LRFN5: variants seen among roughly 807,000 people sequenced by gnomAD.
The protein encoded by LRFN5 is leucine rich repeat and fibronectin type III domain containing 5, also known as leucine-rich repeat and fibronectin type-III domain-containing protein 5.
A neutral mutation model predicts 45.6 loss-of-function variants in LRFN5; 24 were observed. The observed-to-expected ratio is 0.53, with a 90% confidence interval of 0.38 to 0.74. The LOEUF (loss-of-function observed/expected upper bound fraction) is 0.74. LRFN5 is among the 30% of genes least tolerant of loss of function. The pLI, the probability that LRFN5 is intolerant of heterozygous loss-of-function variation, is 0.00. For missense variants in LRFN5, 776 were observed against 861.5 expected, an observed-to-expected ratio of 0.90 and a Z score of 1.24; for synonymous variants, 340 against 313.8, an observed-to-expected ratio of 1.08 and a Z score of -0.88.
At chr14:41,734,331 TATATATATATATA>T (rs1594656920) in intron 1 of LRFN5, among the ~76,000 whole-genome samples, 2 of 104,000 alleles carry the variant, frequency 1.9e-5, no homozygotes, top group South Asian at 3.7e-4. Flanking sequence ...TATATATATA[TATATATATATATA>T]TTTAAATTTG....
intron 2 of LRFN5, among the ~76,000 whole-genome samples, chr14:41,846,917 A>G (rs895366875): frequency 2.0e-5 from 3 of 152,052 alleles, no homozygotes; most frequent in Admixed American, 2.0e-4. Flanking sequence ...TCAAAGCGAC[A>G]AAGTTGGGCC....
At chr14:41,678,242 G>A (rs1274001330) in intron 1 of LRFN5, among the ~76,000 whole-genome samples, 1 of 151,174 alleles carries the variant, frequency 6.6e-6, no homozygotes, top group Non-Finnish European at 1.5e-5. Context: ...GAAGATACAT[G>A]CATACATACA....
intron 2 of LRFN5, among the ~76,000 whole-genome samples, chr14:41,839,036 C>A (rs547727947): frequency 9.9e-5 from 15 of 152,180 alleles, no homozygotes; most frequent in African/African-American, 2.9e-4. Context: ...CTTCAGGTTA[C>A]AATATTAAAT....
chr14:41,740,848 A>G (rs1884659282), intron 1 of LRFN5, among the ~76,000 whole-genome samples: 1 of 152,070 alleles, frequency 6.6e-6, no homozygotes, highest in South Asian at 2.1e-4. Flanking sequence ...TCAAAGACCT[A>G]TTAGAACTGA....
chr14:41,679,073 A>T (rs1394295124), intron 1 of LRFN5, among the ~76,000 whole-genome samples: 1 of 151,998 alleles, frequency 6.6e-6, no homozygotes, highest in African/African-American at 2.4e-5. Flanking sequence ...CTCTAGCCAG[A>T]GGGGAATCAT....
intron 4 of LRFN5, among the ~76,000 whole-genome samples, chr14:41,897,185 TGTG>T (rs1890969353): frequency 6.6e-6 from 1 of 151,626 alleles, no homozygotes; most frequent in Non-Finnish European, 1.5e-5. Context: ...ATCCTAAAAA[TGTG>T]GTGTTATCTT....
intron 1 of LRFN5, among the ~76,000 whole-genome samples, chr14:41,689,621 G>A (rs1487895532): frequency 6.6e-6 from 1 of 152,016 alleles, no homozygotes; most frequent in African/African-American, 2.4e-5. Flanking sequence ...CTGGCCGGGC[G>A]CGGTGGCTCA....
At chr14:41,769,291 T>C (rs1357442229) in intron 2 of LRFN5, among the ~76,000 whole-genome samples, 1 of 152,034 alleles carries the variant, frequency 6.6e-6, no homozygotes, top group Non-Finnish European at 1.5e-5. Context: ...ACAGCTGAGG[T>C]GGTAATGGTT....
chr14:41,777,069 A>G (rs940129282), intron 2 of LRFN5, among the ~76,000 whole-genome samples: 2 of 151,950 alleles, frequency 1.3e-5, no homozygotes, highest in Non-Finnish European at 2.9e-5. Flanking sequence ...TCATCTCTGC[A>G]CAAATACTAT....
chr14:41,757,474 G>A (rs1486655546), intron 1 of LRFN5, among the ~76,000 whole-genome samples: 1 of 152,186 alleles, frequency 6.6e-6, no homozygotes, highest in African/African-American at 2.4e-5. Context: ...CCCTCCCCCA[G>A]CCTCGCTGCC....
At chr14:41,693,246 T>C (rs1049667911) in intron 1 of LRFN5, among the ~76,000 whole-genome samples, 4 of 152,128 alleles carry the variant, frequency 2.6e-5, no homozygotes, top group Admixed American at 1.3e-4. Context: ...ATATAACTTA[T>C]GAAAAATCAG....
At chr14:41,774,763 C>G (rs1470331976) in intron 2 of LRFN5, among the ~76,000 whole-genome samples, 1 of 152,060 alleles carries the variant, frequency 6.6e-6, no homozygotes, top group Non-Finnish European at 1.5e-5. Context: ...ATTTAAGAAT[C>G]CCAGTGAGGT....
rs1890839935 is a variant in LRFN5, at chr14:41,893,214, A to G, written c.2098+1252A>G. The G allele has an allele frequency of 1.6e-5, 16 of 971,994 alleles. No homozygotes were observed. The South Asian group carries it at 5.7e-4, about 35-fold the overall frequency. The allele number at this position is 971,994 out of a possible 1,614,324, so 60.2% of individuals were successfully genotyped here. Reference sequence around the variant, plus strand: ...AGAATACATAATTTTTTAAAACAGGATTTTAAATTTAGTAGAAACTAATGT... The same window carrying G: ...AGAATACATAATTTTTTAAAACAGGGTTTTAAATTTAGTAGAAACTAATGT... On this transcript the variant is annotated intron_variant, in intron 4 of 5. Coordinates refer to ENST00000298119, the MANE Select transcript of LRFN5 (RefSeq NM_152447.5).
chr14:41,878,002 A>G (rs2139131818), intron 2 of LRFN5, among the ~76,000 whole-genome samples: 1 of 152,034 alleles, frequency 6.6e-6, no homozygotes. Flanking sequence ...GGTTATATAT[A>G]TATCATATTT....
At chr14:41,754,873 A>G (rs1477982003) in intron 1 of LRFN5, among the ~76,000 whole-genome samples, 6 of 151,554 alleles carry the variant, frequency 4.0e-5, no homozygotes, top group Non-Finnish European at 8.8e-5. Context: ...TCGATTTTAG[A>G]TCTTTCCTGC....
intron 1 of LRFN5, among the ~76,000 whole-genome samples, chr14:41,683,920 T>C (rs944278033): frequency 6.6e-6 from 1 of 152,164 alleles, no homozygotes; most frequent in Non-Finnish European, 1.5e-5. Flanking sequence ...ATACCAATGT[T>C]ATTCTTCACA....
intron 1 of LRFN5, among the ~76,000 whole-genome samples, chr14:41,661,379 G>A (rs1289698955): frequency 6.6e-6 from 1 of 151,888 alleles, no homozygotes; most frequent in East Asian, 1.9e-4. Flanking sequence ...TCAAAATACT[G>A]CTGTAGTAAA....
At chr14:41,716,220 T>G (rs1883489581) in intron 1 of LRFN5, among the ~76,000 whole-genome samples, 1 of 152,222 alleles carries the variant, frequency 6.6e-6, no homozygotes, top group Non-Finnish European at 1.5e-5. Flanking sequence ...CATGAAGACC[T>G]CTGGCATGCC....
At chr14:41,779,734 A>G (rs957243771) in intron 2 of LRFN5, among the ~76,000 whole-genome samples, 1 of 151,886 alleles carries the variant, frequency 6.6e-6, no homozygotes, top group African/African-American at 2.4e-5. Context: ...CATTTTGTCC[A>G]GTTTATCATA....
Sources: allele counts gnomAD v4.1 joint callset (sites outside exome capture counted in the v4.1 genomes callset), GRCh38; gene constraint gnomAD v4.1.1; transcripts MANE v1.5; gene names NCBI Gene and HGNC (gene_info 2026-07-23, HGNC 2026-07-21).